TRPM2: variants seen among roughly 807,000 people sequenced by gnomAD.
The protein encoded by TRPM2 is estrogen-responsive element-associated gene 1 protein.
A neutral mutation model predicts 174.0 loss-of-function variants in TRPM2; 161 were observed. That is an observed-to-expected ratio of 0.93 (90% CI 0.81 to 1.05). The LOEUF (loss-of-function observed/expected upper bound fraction) is 1.05, where lower values mean the gene tolerates loss of function less well. TRPM2 is among the 50% of genes least tolerant of loss of function. TRPM2 has a pLI of 0.00. For synonymous variants in TRPM2, 954 were observed against 861.3 expected (o/e 1.11, Z -1.88); for missense variants, 2,057 against 2,038.0 (o/e 1.01, Z -0.18).
At chr21:44,397,939 T>C (rs2146269000) in intron 13 of TRPM2, 63 bp downstream of exon 13, 1 of 1,492,360 alleles carries the variant, frequency 6.7e-7, no homozygotes, top group African/African-American at 1.4e-5. Flanking sequence ...CACCTGGAGT[T>C]CCCATCCCTG....
upstream of TRPM2, among the ~76,000 whole-genome samples, chr21:44,352,205 C>G (rs1026505085): frequency 6.6e-6 from 1 of 152,234 alleles, no homozygotes; most frequent in African/African-American, 2.4e-5. Flanking sequence ...CCTGGAAAGA[C>G]CCCACTGGCA....
intron 27 of TRPM2, among the ~76,000 whole-genome samples, chr21:44,431,546 T>A (rs1032428932): frequency 1.3e-5 from 2 of 152,202 alleles, no homozygotes; most frequent in African/African-American, 4.8e-5. Context: ...CTTGGCTCAC[T>A]GCAACCTCCG....
intron 19 of TRPM2, among the ~76,000 whole-genome samples, chr21:44,410,054 C>T (rs1022390794): frequency 1.4e-3 from 210 of 150,122 alleles, no homozygotes; most frequent in African/African-American, 5.0e-3. Context: ...AAGTTTTGAT[C>T]GCGCTGTCTT....
chr21:44,440,704 TG>T, intron 30 of TRPM2, 84 bp from the exon 31 acceptor site: 1 of 1,127,594 alleles, frequency 8.9e-7, no homozygotes, highest in Non-Finnish European at 1.3e-6. Flanking sequence ...TGCTCAGAGC[TG>T]GGTCAGGGTG....
chr21:44,440,459 C>T (rs2051458269), intron 30 of TRPM2, among the ~76,000 whole-genome samples: 1 of 152,188 alleles, frequency 6.6e-6, no homozygotes. Flanking sequence ...CTTCCCATCT[C>T]CTTGGATTTG....
chr21:44,440,311 A>AGAGATTCCGTCTC (rs1241311136), intron 30 of TRPM2, among the ~76,000 whole-genome samples: 1,179 of 6,044 alleles, frequency 0.2, 42 homozygotes, highest in African/African-American at 0.43. Flanking sequence ...GCTCAAAAAA[A>AGAGATTCCGTCTC]AAAAAAAAAA....
intron 11 of TRPM2, among the ~76,000 whole-genome samples, 176 bp from the exon 12 acceptor site, chr21:44,395,238 C>G (rs1180137091): frequency 6.6e-6 from 1 of 152,222 alleles, no homozygotes; most frequent in Admixed American, 6.5e-5. Context: ...TAAAAAACTT[C>G]AGTGTGCATA....
chr21:44,425,675 C>A lies in TRPM2; in HGVS notation c.3643C>A (p.Gln1215Lys). 1 of 1,519,934 alleles carries A rather than the reference C, an allele frequency of 6.6e-7. No homozygotes were observed. The highest frequency in any genetic ancestry group is 8.9e-7 in the Non-Finnish European group (1 of 1,125,454). The allele number at this position is 1,519,934 out of a possible 1,614,324, so 94.2% of individuals were successfully genotyped here. A position where few individuals can be genotyped will look rare whatever the true frequency, so the allele number is the denominator to read the frequency against. Reference protein sequence around the residue: ...SEADVPTLASQKAAEEPDAEP... With the variant: ...SEADVPTLASKKAAEEPDAEP... ...GTCTTCCTGACTGTCCCCAGCCTCCCAGAAGGCCGCGGAGGAGCCGGATGC... is the reference window on the plus strand; with the variant it reads ...GTCTTCCTGACTGTCCCCAGCCTCCAAGAAGGCCGCGGAGGAGCCGGATGC... The change falls in exon 25 of 32, where the codon CAG (glutamine) becomes AAG (lysine). Residue 1215 changes from glutamine to lysine, a missense_variant. Transcript: ENST00000397928.
Position 44,375,988 on chromosome 21 carries a change from ATCG to A in TRPM2, c.928_930del (p.Ser310del). On this transcript the variant is annotated inframe_deletion, in exon 6 of 32. Coordinates refer to ENST00000397928, the MANE Select transcript of TRPM2 (RefSeq NM_003307.4). Reference sequence around the variant, plus strand: ...TGAGGACCAGGCTGGAGAAGTTCATATCGGAGCAGACCAAGGAAAGAGGAGGTA... The same window carrying A: ...TGAGGACCAGGCTGGAGAAGTTCATAGAGCAGACCAAGGAAAGAGGAGGTA... The A allele has an allele frequency of 6.2e-7, 1 of 1,614,012 alleles. No individual in the cohort carries two copies. The highest frequency in any genetic ancestry group is 8.5e-7 in the Non-Finnish European group (1 of 1,179,934).
intron 27 of TRPM2, 78 bp downstream of exon 27, chr21:44,427,189 G>A (rs2050830377): frequency 2.4e-6 from 3 of 1,254,382 alleles, no homozygotes; most frequent in African/African-American, 3.1e-5. Flanking sequence ...TCTGGGCAAA[G>A]GAAGCATTTT....
intron 20 of TRPM2, among the ~76,000 whole-genome samples, chr21:44,414,428 A>G (rs181835854): frequency 6.6e-6 from 1 of 152,310 alleles, no homozygotes; most frequent in African/African-American, 2.4e-5. Context: ...GCGCAGGCGC[A>G]GCATTATTCA....
Position 44,376,088 on chromosome 21 carries a change from C to A in TRPM2, c.952+75C>A. ...GGTCAGAGTGTCAGGTACAGCTGGT[C>A]ACGACCAGGACGTTCAACAGGCCTG... is the stretch of plus-strand genomic sequence containing the variant. On this transcript the variant is annotated intron_variant, in intron 6 of 31. Coordinates refer to ENST00000397928, the MANE Select transcript of TRPM2 (RefSeq NM_003307.4). This position sits in a 1 kb window ranked among gnomAD's most constrained non-coding sequence, Gnocchi z 4.2. 1 of 1,538,976 alleles carries A rather than the reference C, an allele frequency of 6.5e-7. No homozygotes were observed. The highest frequency in any genetic ancestry group is 1.2e-5 in the South Asian group (1 of 82,204).
intron 31 of TRPM2, 47 bp from the exon 32 acceptor site, chr21:44,441,645 A>AGAGG: frequency 6.4e-7 from 1 of 1,573,920 alleles, no homozygotes; most frequent in Non-Finnish European, 8.6e-7. Flanking sequence ...TCAGCTGGGC[A>AGAGG]GAGGCAGGGC....
chr21:44,422,482 G>A, intron 22 of TRPM2: 2 of 1,511,334 alleles, frequency 1.3e-6, no homozygotes, highest in Non-Finnish European at 1.8e-6. Context: ...GAGATGCCCA[G>A]GCCTGGAGCG....
intron 25 of TRPM2, 66 bp from the exon 26 acceptor site, chr21:44,426,594 C>G (rs2050788073): frequency 1.3e-6 from 2 of 1,554,336 alleles, no homozygotes; most frequent in Non-Finnish European, 1.8e-6. Context: ...CCCTTTCACC[C>G]TGGTGCCTGG....
intron 2 of TRPM2, among the ~76,000 whole-genome samples, chr21:44,355,401 G>A (rs1230372191): frequency 6.6e-6 from 1 of 152,218 alleles, no homozygotes; most frequent in Non-Finnish European, 1.5e-5. Flanking sequence ...CCCATTTCAT[G>A]CTCTTCCACA....
rs114328822 is a variant in TRPM2, at chr21:44,376,031, C to T, written c.952+18C>T. On this transcript the variant is annotated intron_variant, in intron 6 of 31. Transcript: ENST00000397928. The surrounding 1 kb of genome is among the most constrained non-coding windows in gnomAD (Gnocchi z 4.2). The stretch of plus-strand genomic sequence containing the variant: ...AAGAGGAGGTAGGGGAGCTTGCTTT[C>T]GAGGGTGATTGGGCAGAGAGCACAG... The T allele has an allele frequency of 1.2e-3, 1,885 of 1,608,296 alleles. 10 individuals carry two copies. In the African/African-American group the frequency reaches 0.015, roughly 13 times the overall value.
chr21:44,353,873 T>A lies in TRPM2; in HGVS notation c.165+8T>A. ...TTCGGCAACAATGACAAGGTAGGCTTTCTGCTGGTCAGCCTGCAGTTGGCA... is the reference window on the plus strand; with the variant it reads ...TTCGGCAACAATGACAAGGTAGGCTATCTGCTGGTCAGCCTGCAGTTGGCA... On this transcript the variant is annotated splice_region_variant and intron_variant, in intron 1 of 31. Transcript: ENST00000397928. 3 of 1,598,274 alleles carry A rather than the reference T, an allele frequency of 1.9e-6. No individual in the cohort carries two copies. Among genetic ancestry groups the A allele is most frequent in the Non-Finnish European group, 2.6e-6 (3 of 1,173,458 alleles).
In TRPM2 at chr21:44,379,037, T is replaced by C. The variant is rs1186616258; in HGVS notation, c.1055T>C (p.Val352Ala). 1 of 1,609,856 alleles carries C rather than the reference T, an allele frequency of 6.2e-7. No individual in the cohort carries two copies. Among genetic ancestry groups the C allele is most frequent in the Non-Finnish European group, 8.5e-7 (1 of 1,179,950 alleles). The change falls in exon 8 of 32, where the codon GTT (valine) becomes GCT (alanine). Residue 352 changes from valine (V) to alanine (A), a missense_variant. Physicochemically the swap from Val to Ala is moderately conservative, Grantham distance 64. Coordinates refer to ENST00000397928, the MANE Select transcript of TRPM2 (RefSeq NM_003307.4). ...NATTNGTPCV[V>A]VEGSGRVADV... Reference sequence around the variant, plus strand: ...ACCACCAACGGCACCCCCTGTGTGGTTGTGGAGGGCTCGGGCCGCGTGGCC... The same window carrying C: ...ACCACCAACGGCACCCCCTGTGTGGCTGTGGAGGGCTCGGGCCGCGTGGCC...
Sources: allele counts gnomAD v4.1 joint callset (sites outside exome capture counted in the v4.1 genomes callset), GRCh38; gene constraint gnomAD v4.1.1; non-coding constraint Gnocchi (gnomAD v3.1); transcripts MANE v1.5; gene names NCBI Gene and HGNC (gene_info 2026-07-23, HGNC 2026-07-21).